The following PLPBP variants were observed in gnomAD, a reference collection of about 807,000 sequenced individuals.
The protein encoded by PLPBP is pyridoxal phosphate binding protein.
PLPBP carries 21 observed loss-of-function variants against 31.2 expected under a neutral mutation model. The observed-to-expected ratio is 0.67, with a 90% CI of 0.48 to 0.97. The LOEUF is 0.97. Among genes scored for constraint, PLPBP ranks in the 50% least tolerant of loss-of-function variants. The pLI, the probability that PLPBP is intolerant of heterozygous loss-of-function variation, is 0.00. For missense variants in PLPBP, 308 were observed against 354.4 expected (o/e 0.87, Z 1.05); for synonymous variants, 124 against 135.6 (o/e 0.91, Z 0.59).
chr8:37,765,067 G>A (rs1803585866), intron 1 of PLPBP, among the ~76,000 whole-genome samples: 1 of 152,214 alleles, frequency 6.6e-6, no homozygotes, highest in African/African-American at 2.4e-5. Context: ...CTACTCAGGA[G>A]GCTGAGGCAG....
At chr8:37,765,405 T>C in intron 1 of PLPBP, 121 bp from the exon 2 acceptor site, 2 of 894,090 alleles carry the variant, frequency 2.2e-6, no homozygotes, top group Admixed American at 2.1e-5. Flanking sequence ...GTTGAAAAAA[T>C]GGATCTTACC....
At chr8:37,762,617 A>C (rs1803503621), upstream of PLPBP, 2 of 1,541,742 alleles carry the variant, frequency 1.3e-6, no homozygotes, top group Non-Finnish European at 1.7e-6. Context: ...GGTGTGAGCC[A>C]CGGGCTGCCG....
chr8:37,772,182 G>GT (rs910447285), intron 4 of PLPBP, among the ~76,000 whole-genome samples: 3 of 152,148 alleles, frequency 2.0e-5, no homozygotes, highest in African/African-American at 7.2e-5. Flanking sequence ...GATTGCTGCA[G>GT]TTTTTTAGTA....
intron 5 of PLPBP, 110 bp from the exon 6 acceptor site, chr8:37,775,229 G>C (rs530331107): frequency 1.5e-6 from 2 of 1,297,746 alleles, no homozygotes; most frequent in Non-Finnish European, 2.2e-6. Context: ...CTTTCAAGAG[G>C]TTCTCTTGTT....
upstream of PLPBP, chr8:37,762,633 C>G: frequency 1.3e-6 from 2 of 1,554,082 alleles, no homozygotes; most frequent in Non-Finnish European, 1.7e-6. Context: ...TGCCGGGGGC[C>G]TGGGGCTCGG....
At chr8:37,776,081 A>G in intron 7 of PLPBP, 65 bp downstream of exon 7, 3 of 1,438,822 alleles carry the variant, frequency 2.1e-6, no homozygotes, top group African/African-American at 1.4e-5. Context: ...AGAGGCTGAC[A>G]CAAGAGCAGA....
chr8:37,766,507 A>T (rs1803633335), intron 4 of PLPBP, 152 bp downstream of exon 4: 3 of 1,304,858 alleles, frequency 2.3e-6, no homozygotes, highest in Non-Finnish European at 2.9e-6. Context: ...TAATAAAAAG[A>T]GAAAACATCA....
Position 37,777,976 on chromosome 8 carries a change from G to A in PLPBP, c.700G>A (p.Glu234Lys), listed in dbSNP as rs201663835. ...TACCTTCTCTTTTTTCCCACAGGTT[G>A]AAGTAGGATCTACAAATGTCCGAAT... ...GMSADFQHAVEVGSTNVRIGS... is the reference protein window; with the variant it reads ...GMSADFQHAVKVGSTNVRIGS... Residue 234 changes from glutamate to lysine, a missense_variant, in exon 8 of 8, where the codon GAA (glutamate) becomes AAA (lysine). By Grantham distance (56) the Glu-to-Lys change is moderately conservative. Around this residue, in one of 2 missense-constraint regions of PLPBP, gnomAD observed 188 missense variants for 259.3 expected, o/e 0.73. Coordinates refer to ENST00000328195, the MANE Select transcript of PLPBP (RefSeq NM_007198.4). 6.2e-7 allele frequency: 1 copy of A among 1,611,104 alleles called. No homozygotes were observed. Among genetic ancestry groups the A allele is most frequent in the Non-Finnish European group, 8.5e-7 (1 of 1,178,016 alleles).
intron 5 of PLPBP, among the ~76,000 whole-genome samples, chr8:37,773,214 C>T (rs929100706): frequency 6.6e-5 from 10 of 152,078 alleles, no homozygotes; most frequent in African/African-American, 2.4e-4. Context: ...GTCGCCCAGG[C>T]TGGAGTGCAA....
chr8:37,775,393 C>T lies in PLPBP; in HGVS notation c.509C>T (p.Ala170Val). Residue 170 changes from alanine to valine, a missense_variant, in exon 6 of 8, where the codon GCC becomes GTC. Physicochemically the swap from Ala to Val is moderately conservative, Grantham distance 64. Around this residue, in one of 2 missense-constraint regions of PLPBP, gnomAD observed 188 missense variants for 259.3 expected, o/e 0.73. Transcript: ENST00000328195. ...ATAGCCATCGTGGAGCACATAAACG[C>T]CAAGTGTCCTAACCTGGAGTTTGTG... ...ETIAIVEHIN[A>V]KCPNLEFVGL... 1 of 1,614,232 alleles carries T rather than the reference C, an allele frequency of 6.2e-7. No homozygotes were observed. The highest frequency in any genetic ancestry group is 8.5e-7 in the Non-Finnish European group (1 of 1,180,046).
At chr8:37,765,778 T>G (rs758599173) in intron 3 of PLPBP, 32 bp downstream of exon 3, 147 of 1,601,580 alleles carry the variant, frequency 9.2e-5, no homozygotes, top group Non-Finnish European at 1.2e-4. Context: ...TTAATTTGTA[T>G]CTAAATCTTG....
rs1341738221 is a variant in PLPBP at position 37,762,711 on chromosome 8, C to A, written c.52C>A (p.Arg18=). The A allele has an allele frequency of 6.3e-7, 1 of 1,590,000 alleles. No homozygotes were observed. Among genetic ancestry groups the A allele is most frequent in the Middle Eastern group, 1.8e-4 (1 of 5,420 alleles). The part of the protein sequence containing the change: ...SAELGVGCAL[R]AVNERVQQAV... Reference sequence around the variant, plus strand: ...CGAGCTGGGAGTCGGGTGCGCATTGCGGGCGGTGAACGAGCGCGTGCAGCA... The same window carrying A: ...CGAGCTGGGAGTCGGGTGCGCATTGAGGGCGGTGAACGAGCGCGTGCAGCA... Residue 18 remains arginine, a synonymous_variant, in exon 1 of 8, where the codon CGG becomes AGG. Transcript: ENST00000328195.
chr8:37,767,509 A>G (rs906877027), intron 4 of PLPBP, among the ~76,000 whole-genome samples: 19 of 152,218 alleles, frequency 1.2e-4, no homozygotes, highest in Admixed American at 3.3e-4. Flanking sequence ...TCATACCTGT[A>G]TCAAAGGTTC....
Position 37,775,413 on chromosome 8 carries a change from T to A in PLPBP, c.529T>A (p.Phe177Ile). The change falls in exon 6 of 8, where the codon TTT (phenylalanine) becomes ATT (isoleucine). Residue 177 changes from phenylalanine to isoleucine, a missense_variant. This residue lies in a region of PLPBP where 188 missense variants were observed against 259.3 expected (regional missense o/e 0.73). Transcript: ENST00000328195. ...AAACGCCAAGTGTCCTAACCTGGAG[T>A]TTGTGGGGCTGATGACCATAGGAAG... ...HINAKCPNLE[F>I]VGLMTIGSFG... 6.2e-7 allele frequency: 1 copy of A among 1,613,730 alleles called. No individual in the cohort carries two copies. The highest frequency in any genetic ancestry group is 8.5e-7 in the Non-Finnish European group (1 of 1,179,952).
rs765628567 is a variant in PLPBP, at chr8:37,779,227, T to A, written c.*1123T>A. 2 of 152,120 alleles carry A rather than the reference T, an allele frequency of 1.3e-5. No individual in the cohort carries two copies. Among genetic ancestry groups the A allele is most frequent in the Non-Finnish European group, 2.9e-5 (2 of 68,014 alleles). The allele number at this position is 152,120 out of a possible 1,614,324, so 9.4% of individuals were successfully genotyped here. Reference sequence around the variant, plus strand: ...TACAGTGATGAGAATTTAATGATTATCTCCTCCACTATAATCCTCTTTAGG... The same window carrying A: ...TACAGTGATGAGAATTTAATGATTAACTCCTCCACTATAATCCTCTTTAGG... On this transcript the variant is annotated 3_prime_UTR_variant, in exon 8 of 8. Transcript: ENST00000328195.
At chr8:37,770,890 G>A (rs550990609) in intron 4 of PLPBP, among the ~76,000 whole-genome samples, 1 of 152,108 alleles carries the variant, frequency 6.6e-6, no homozygotes, top group East Asian at 1.9e-4. Context: ...TTAGAAATAT[G>A]TAAAGGTGAT....
At chr8:37,773,114 T>C (rs1803817910) in intron 5 of PLPBP, among the ~76,000 whole-genome samples, 1 of 152,092 alleles carries the variant, frequency 6.6e-6, no homozygotes, top group South Asian at 2.1e-4. Flanking sequence ...ATCTTAATTT[T>C]AGGGGAAGAA....
rs765390963 is a variant in PLPBP, at chr8:37,778,050, G to T, written c.774G>T (p.Pro258=). 6.2e-7 allele frequency: 1 copy of T among 1,613,730 alleles called. No individual in the cohort carries two copies. Among genetic ancestry groups the T allele is most frequent in the Non-Finnish European group, 8.5e-7 (1 of 1,179,736 alleles). Residue 258 remains proline, a synonymous_variant, in exon 8 of 8, where the codon CCG becomes CCT. Coordinates refer to ENST00000328195, the MANE Select transcript of PLPBP (RefSeq NM_007198.4). ...GERDYSKKPT[P]DKCAADVKAP... ...GGGATTACTCAAAGAAACCCACCCC[G>T]GACAAGTGCGCAGCAGACGTGAAGG...
At position 37,778,121 on chromosome 8, in the gene PLPBP, A is replaced by C. The variant is rs1803967408; in HGVS notation, c.*17A>C. On this transcript the variant is annotated 3_prime_UTR_variant, in exon 8 of 8. Transcript: ENST00000328195. Reference sequence around the variant, plus strand: ...GAGCACTGAGCCAGGGAATACTGAGAGCACTAACTATGCACTAACCTAGAT... The same window carrying C: ...GAGCACTGAGCCAGGGAATACTGAGCGCACTAACTATGCACTAACCTAGAT... The C allele has an allele frequency of 6.2e-7, 1 of 1,610,728 alleles. No homozygotes were observed. Among genetic ancestry groups the C allele is most frequent in the Admixed American group, 1.7e-5 (1 of 59,876 alleles).
Sources: gnomAD v4.1 joint callset for allele counts (sites outside exome capture counted in the v4.1 genomes callset) on GRCh38, gnomAD v4.1.1 for gene constraint, gnomAD v4.1.1 regional missense constraint, MANE v1.5 for transcripts, NCBI Gene and HGNC (gene_info 2026-07-23, HGNC 2026-07-21) for gene names.